The following SMARCC1 variants were observed in gnomAD, a reference collection of about 807,000 sequenced individuals.
SMARCC1 encodes the protein SWI/SNF complex subunit SMARCC1.
In SMARCC1, 43 loss-of-function variants were observed where a neutral mutation model predicts 147.4. The observed-to-expected ratio is 0.29, with a 90% CI of 0.23 to 0.38. The LOEUF (loss-of-function observed/expected upper bound fraction) is 0.38. Among genes scored for constraint, SMARCC1 ranks in the 10% least tolerant of loss-of-function variants. The probability of loss-of-function intolerance (pLI) is 1.00; values close to 1 mark genes in which losing one functional copy is unlikely to be tolerated. For synonymous variants in SMARCC1, 495 were observed against 484.4 expected (o/e 1.02, Z -0.29); for missense variants, 1,119 against 1,381.1 (o/e 0.81, Z 3.01).
At chr3:47,695,927 C>A (rs1300356148) in intron 11 of SMARCC1, among the ~76,000 whole-genome samples, 3 of 124,430 alleles carry the variant, frequency 2.4e-5, no homozygotes, top group African/African-American at 6.2e-5. Context: ...ATCAGCCGGG[C>A]GTGGTGGTGC....
chr3:47,662,222 A>AT, intron 20 of SMARCC1, 112 bp downstream of exon 20: 1 of 893,718 alleles, frequency 1.1e-6, no homozygotes. Context: ...TTCACAGGTA[A>AT]TATCTGATTT....
chr3:47,653,236 C>T (rs894705740), intron 21 of SMARCC1, among the ~76,000 whole-genome samples: 7 of 152,194 alleles, frequency 4.6e-5, no homozygotes, highest in African/African-American at 1.2e-4. Context: ...GGATTACAGG[C>T]GTGAGCCACG....
chr3:47,667,661 G>A (rs1369424723), intron 19 of SMARCC1, among the ~76,000 whole-genome samples: 2 of 152,102 alleles, frequency 1.3e-5, no homozygotes, highest in African/African-American at 2.4e-5. Flanking sequence ...GGCAGATCAC[G>A]AGGTCAAGAG....
intron 14 of SMARCC1, among the ~76,000 whole-genome samples, chr3:47,681,959 G>T (rs2033649420): frequency 2.0e-5 from 3 of 152,106 alleles, no homozygotes; most frequent in Non-Finnish European, 2.9e-5. Context: ...ATGCAAAGAT[G>T]ATCAGGCAAA....
At position 47,748,137 on chromosome 3, in the gene SMARCC1, G is replaced by A. The variant is rs956317789; in HGVS notation, c.316-2144C>T. ...TGCACTCCAGCCTGGGCGACACAGT[G>A]AGACTGTCTCAACAAAAAATAAAAA... On this transcript the variant is annotated intron_variant, in intron 2 of 27. Transcript: ENST00000254480. Among the ~76,000 whole-genome samples, 4 of 152,254 alleles carry A rather than the reference G, an allele frequency of 2.6e-5. No individual in the cohort carries two copies. The South Asian group carries it at 6.2e-4, about 24-fold the overall frequency.
intron 21 of SMARCC1, among the ~76,000 whole-genome samples, chr3:47,659,771 G>GGGGGC (rs1553680844): frequency 1.1e-5 from 1 of 90,062 alleles, no homozygotes; most frequent in African/African-American, 4.2e-5. Flanking sequence ...GGGGGGGGGG[G>GGGGGC]CAAGAATCTG....
intron 21 of SMARCC1, among the ~76,000 whole-genome samples, chr3:47,652,886 T>G (rs2033207752): frequency 6.6e-6 from 1 of 151,828 alleles, no homozygotes. Context: ...AAATAATTCC[T>G]ATGGGAAATC....
intron 12 of SMARCC1, among the ~76,000 whole-genome samples, chr3:47,692,583 G>A (rs375643253): frequency 7.9e-5 from 12 of 152,156 alleles, no homozygotes; most frequent in African/African-American, 2.9e-4. Flanking sequence ...AAAATATTAT[G>A]CTCCAAGAGG....
chr3:47,774,218 T>C (rs1019972912), intron 1 of SMARCC1, among the ~76,000 whole-genome samples: 2 of 146,044 alleles, frequency 1.4e-5, no homozygotes, highest in Non-Finnish European at 3.0e-5. Context: ...TTACAGCATA[T>C]AAAAAGGCAA....
At chr3:47,765,472 AAAAG>A (rs934332214) in intron 2 of SMARCC1, among the ~76,000 whole-genome samples, 158 of 152,246 alleles carry the variant, frequency 1.0e-3, no homozygotes, top group African/African-American at 2.8e-3. Flanking sequence ...TTTAAAAAAA[AAAAG>A]AAAGAAACTA....
chr3:47,692,476 T>C (rs886571929), intron 12 of SMARCC1, among the ~76,000 whole-genome samples: 53 of 152,360 alleles, frequency 3.5e-4, no homozygotes, highest in African/African-American at 1.2e-3. Flanking sequence ...AAACAATTCT[T>C]TCAGTGACAT....
intron 8 of SMARCC1, among the ~76,000 whole-genome samples, chr3:47,712,559 A>AG (rs2034099811): frequency 6.6e-6 from 1 of 152,208 alleles, no homozygotes; most frequent in Non-Finnish European, 1.5e-5. Context: ...TGAACATCTT[A>AG]CACGTATAAT....
intron 21 of SMARCC1, among the ~76,000 whole-genome samples, chr3:47,647,145 T>C (rs1216175840): frequency 6.6e-6 from 1 of 152,208 alleles, no homozygotes; most frequent in African/African-American, 2.4e-5. Flanking sequence ...AAGAATGCAC[T>C]CGTGAATTCT....
chr3:47,594,782 T>C (rs2032243412), intron 26 of SMARCC1, among the ~76,000 whole-genome samples: 6 of 152,216 alleles, frequency 3.9e-5, no homozygotes, highest in Admixed American at 3.3e-4. Flanking sequence ...TCAGGCATCC[T>C]TGTGGCGGGA....
chr3:47,719,553 T>A (rs1487049879), intron 7 of SMARCC1, among the ~76,000 whole-genome samples: 1 of 151,406 alleles, frequency 6.6e-6, no homozygotes, highest in Admixed American at 6.6e-5. Context: ...ATACAAAAAT[T>A]AGCCAGGCAT....
intron 21 of SMARCC1, among the ~76,000 whole-genome samples, chr3:47,659,368 T>C (rs1189187828): frequency 6.6e-6 from 1 of 150,774 alleles, no homozygotes; most frequent in African/African-American, 2.4e-5. Flanking sequence ...GATAAAGATA[T>C]CATAGGAAAA....
Position 47,623,284 on chromosome 3 carries a change from G to A in SMARCC1, c.2647-943C>T, listed in dbSNP as rs551739584. On this transcript the variant is annotated intron_variant, in intron 24 of 27. Transcript: ENST00000254480. ...TAGCTGTGACAAGCCACAGCTGTGT[G>A]TGTCACAGCACGCATCTTACCAAGG... 8.6e-5 allele frequency among the ~76,000 whole-genome samples: 13 copies of A among 151,750 alleles called. No individual in the cohort carries two copies. The East Asian group carries it at 2.5e-3, about 30-fold the overall frequency.
At chr3:47,762,487 TC>T (rs2034784534) in intron 2 of SMARCC1, among the ~76,000 whole-genome samples, 1 of 152,232 alleles carries the variant, frequency 6.6e-6, no homozygotes, top group African/African-American at 2.4e-5. Flanking sequence ...GAACTGTGAC[TC>T]ATCTAAAACA....
In SMARCC1 at chr3:47,701,338, T is replaced by G; in HGVS notation, c.1105A>C (p.Lys369Gln). ...KEEDEQEDLT[K>Q]DMEDPTPVPN... ...ACAGGTGTTGGGTCTTCCATATCCT[T>G]GGTTAGATCTTCTTGCTCATCTTCC... The change falls in exon 11 of 28, where the codon AAG becomes CAG. Residue 369 changes from lysine (K) to glutamine (Q), a missense_variant. By Grantham distance (53) the Lys-to-Gln change is moderately conservative. Coordinates refer to ENST00000254480, the MANE Select transcript of SMARCC1 (RefSeq NM_003074.4). 1 of 1,613,266 alleles carries G rather than the reference T, an allele frequency of 6.2e-7. No homozygotes were observed. Among genetic ancestry groups the G allele is most frequent in the Non-Finnish European group, 8.5e-7 (1 of 1,179,196 alleles).
Sources: allele counts gnomAD v4.1 joint callset (sites outside exome capture counted in the v4.1 genomes callset), GRCh38; gene constraint gnomAD v4.1.1; transcripts MANE v1.5; gene names NCBI Gene and HGNC (gene_info 2026-07-23, HGNC 2026-07-21).